WDPCP: variants seen among roughly 807,000 people sequenced by gnomAD.
WDPCP encodes the protein WD repeat containing planar cell polarity effector, also known as WD repeat-containing and planar cell polarity effector protein fritz homolog.
A neutral mutation model predicts 93.1 loss-of-function variants in WDPCP; 71 were observed. The observed-to-expected ratio is 0.76, with a 90% CI of 0.63 to 0.93. The LOEUF is 0.93. Ranked by LOEUF, WDPCP falls within the 40% of genes least tolerant of loss-of-function variation. The pLI is 0.00. For synonymous variants in WDPCP, 315 were observed against 315.0 expected (o/e 1.00, Z 0.00); for missense variants, 844 against 887.4 (o/e 0.95, Z 0.62).
At chr2:63,608,606 C>A (rs572626375) in intron 3 of WDPCP, among the ~76,000 whole-genome samples, 1 of 152,144 alleles carries the variant, frequency 6.6e-6, no homozygotes. Context: ...GCCAGGAGTT[C>A]AAGGCTAGCC....
intron 10 of WDPCP, among the ~76,000 whole-genome samples, chr2:63,401,491 A>G (rs1694149334): frequency 2.6e-5 from 4 of 152,186 alleles, no homozygotes; most frequent in Admixed American, 2.6e-4. Flanking sequence ...CAAAGTCAAG[A>G]GGCCAGGTGC....
chr2:63,839,499 A>T, the WDPCP span, among the ~76,000 whole-genome samples: 1 of 152,262 alleles, frequency 6.6e-6, no homozygotes, highest in African/African-American at 2.4e-5. Flanking sequence ...CGGAGGTTGC[A>T]GTGAGCCTAG....
In WDPCP at chr2:63,350,976, T is replaced by TTTATTATTA. The variant is rs3048702; in HGVS notation, c.1748+27401_1748+27409dup. On this transcript the variant is annotated intron_variant, in intron 12 of 17. Coordinates refer to ENST00000272321, the MANE Select transcript of WDPCP (RefSeq NM_015910.7). ...TAATTTTATTAAATATCAACATTTA[T>TTTATTATTA]TTATTATTATTATTATTATTATTGA... Among the ~76,000 whole-genome samples the TTTATTATTA allele has an allele frequency of 6.0e-4, 89 of 147,900 alleles. 3 individuals are homozygous for TTTATTATTA. Among genetic ancestry groups the TTTATTATTA allele is most frequent in the South Asian group, 3.5e-3 (16 of 4,614 alleles).
chr2:63,144,604 G>GT (rs1173491718), intron 17 of WDPCP, among the ~76,000 whole-genome samples: 1 of 152,110 alleles, frequency 6.6e-6, no homozygotes, highest in Non-Finnish European at 1.5e-5. Flanking sequence ...TTTTTTGGTT[G>GT]TTTTTTCTTT....
chr2:63,122,087 A>G, intron 17 of WDPCP, 31 bp from the exon 18 acceptor site: 1 of 1,540,036 alleles, frequency 6.5e-7, no homozygotes, highest in Non-Finnish European at 9.0e-7. Flanking sequence ...ATAATGTTTA[A>G]GCAGAGTAAA....
intron 9 of WDPCP, among the ~76,000 whole-genome samples, chr2:63,417,497 A>G (rs1422199676): frequency 6.6e-6 from 1 of 151,834 alleles, no homozygotes. Flanking sequence ...TTAGAATGAA[A>G]TATTTCTGTT....
chr2:63,620,807 G>C (rs1709727587), intron 3 of WDPCP, among the ~76,000 whole-genome samples: 1 of 152,176 alleles, frequency 6.6e-6, no homozygotes, highest in African/African-American at 2.4e-5. Context: ...CTGGGACAAA[G>C]CTTCCAGAGG....
At chr2:63,627,390 A>G (rs1709821037) in intron 3 of WDPCP, among the ~76,000 whole-genome samples, 1 of 152,236 alleles carries the variant, frequency 6.6e-6, no homozygotes, top group Non-Finnish European at 1.5e-5. Context: ...CTGTAATGAT[A>G]AAGACAGGAG....
At chr2:63,794,356 G>C (rs1341037029) in intron 2 of WDPCP, among the ~76,000 whole-genome samples, 1 of 152,164 alleles carries the variant, frequency 6.6e-6, no homozygotes, top group Non-Finnish European at 1.5e-5. Flanking sequence ...CCTGTAACTG[G>C]TTTAGGAACC....
chr2:63,508,774 G>T (rs1007738916), intron 1 of WDPCP, among the ~76,000 whole-genome samples: 1 of 152,098 alleles, frequency 6.6e-6, no homozygotes, highest in African/African-American at 2.4e-5. Flanking sequence ...AAAAGCAGGG[G>T]TTGCAATCCT....
intron 1 of WDPCP, among the ~76,000 whole-genome samples, chr2:63,523,806 G>A (rs1328552869): frequency 6.6e-6 from 1 of 152,208 alleles, no homozygotes; most frequent in Non-Finnish European, 1.5e-5. Flanking sequence ...AGCTACTCGG[G>A]AGGCTGAGGC....
intron 10 of WDPCP, among the ~76,000 whole-genome samples, chr2:63,388,717 G>C (rs1048436814): frequency 6.6e-6 from 1 of 152,168 alleles, no homozygotes; most frequent in Non-Finnish European, 1.5e-5. Flanking sequence ...ACCTGATGGA[G>C]CTGAAAACCA....
intron 12 of WDPCP, among the ~76,000 whole-genome samples, chr2:63,373,254 G>GTTTTT (rs70965124): frequency 7.0e-6 from 1 of 143,494 alleles, no homozygotes; most frequent in Non-Finnish European, 1.5e-5. Flanking sequence ...TTTTTTTGTT[G>GTTTTT]TTTTTTTTTT....
intron 9 of WDPCP, among the ~76,000 whole-genome samples, chr2:63,412,534 G>A (rs1335445565): frequency 6.6e-6 from 1 of 152,100 alleles, no homozygotes; most frequent in African/African-American, 2.4e-5. Flanking sequence ...AGCCAGAGCA[G>A]TCAGACAAGA....
chr2:63,313,886 A>ATATATATATATTTT, intron 12 of WDPCP, among the ~76,000 whole-genome samples: 19 of 74,472 alleles, frequency 2.6e-4, no homozygotes, highest in East Asian at 1.6e-3. Context: ...ATATATATAT[A>ATATATATATATTTT]TTTTTTTTTT....
intron 2 of WDPCP, among the ~76,000 whole-genome samples, chr2:63,672,935 G>T (rs985166093): frequency 6.6e-6 from 1 of 151,950 alleles, no homozygotes; most frequent in Non-Finnish European, 1.5e-5. Context: ...TGTAGGTACA[G>T]GGTGGGGATG....
At chr2:63,398,078 A>G (rs1014147064) in intron 10 of WDPCP, among the ~76,000 whole-genome samples, 1 of 152,108 alleles carries the variant, frequency 6.6e-6, no homozygotes, top group Non-Finnish European at 1.5e-5. Flanking sequence ...GACAAGAGGA[A>G]GGGATTCTTT....
At chr2:63,824,031 T>A (rs1470213153) in intron 1 of WDPCP, among the ~76,000 whole-genome samples, 2 of 152,060 alleles carry the variant, frequency 1.3e-5, no homozygotes, top group Non-Finnish European at 2.9e-5. Flanking sequence ...CTGTGTCCCC[T>A]CTCAAATCTC....
upstream of WDPCP, among the ~76,000 whole-genome samples, chr2:63,831,087 C>T (rs1358268222): frequency 6.6e-6 from 1 of 152,134 alleles, no homozygotes; most frequent in Non-Finnish European, 1.5e-5. Context: ...TTCCCCTTGA[C>T]TCTTCCTTTT....
Sources: gnomAD v4.1 joint callset for allele counts (sites outside exome capture counted in the v4.1 genomes callset) on GRCh38, gnomAD v4.1.1 for gene constraint, MANE v1.5 for transcripts, NCBI Gene and HGNC (gene_info 2026-07-23, HGNC 2026-07-21) for gene names.